Variants in NUP214 observed in about 807,000 individuals in gnomAD.
NUP214 encodes nuclear pore complex protein Nup214.
A neutral mutation model predicts 196.2 loss-of-function variants in NUP214; 79 were observed. The ratio of observed to expected loss-of-function variants is 0.40; its 90% CI spans 0.34 to 0.49. The LOEUF is 0.49. NUP214 is among the 20% of genes least tolerant of loss of function. The pLI is 0.58. For missense variants in NUP214, 2,468 were observed against 2,539.0 expected (o/e 0.97, Z 0.60); for synonymous variants, 1,020 against 990.5 (o/e 1.03, Z -0.56).
chr9:131,131,017 A>T (rs1234233155), intron 5 of NUP214, among the ~76,000 whole-genome samples, 181 bp downstream of exon 5: 1 of 152,154 alleles, frequency 6.6e-6, no homozygotes, highest in African/African-American at 2.4e-5. Flanking sequence ...AGAGGCACCC[A>T]CTATGTTGTG....
intron 30 of NUP214, among the ~76,000 whole-genome samples, chr9:131,208,055 T>C (rs1834132713): frequency 6.6e-6 from 1 of 152,168 alleles, no homozygotes; most frequent in South Asian, 2.1e-4. Context: ...GGCTATCATT[T>C]AAAAAGTAAA....
chr9:131,193,629 C>CTTTTTTTTTTTTTTTTT (rs71389402), intron 27 of NUP214, among the ~76,000 whole-genome samples: 545 of 28,232 alleles, frequency 0.019, 204 homozygotes, highest in Non-Finnish European at 0.024. Flanking sequence ...TCTTCCTTTT[C>CTTTTTTTTTTTTTTTTT]TTTTTTTTTT....
chr9:131,233,395 C>G, intron 35 of NUP214, 59 bp from the exon 36 acceptor site: 1 of 1,520,914 alleles, frequency 6.6e-7, no homozygotes, highest in Non-Finnish European at 8.9e-7. Flanking sequence ...AGCAGCAGAG[C>G]CTGTGACTGC....
chr9:131,193,629 C>CTGTTTTTT (rs1833677968), intron 27 of NUP214, among the ~76,000 whole-genome samples: 1 of 28,218 alleles, frequency 3.5e-5, no homozygotes, highest in African/African-American at 1.2e-4. Context: ...TCTTCCTTTT[C>CTGTTTTTT]TTTTTTTTTT....
intron 1 of NUP214, 111 bp from the exon 2 acceptor site, chr9:131,127,413 C>CTTGG: frequency 1.2e-6 from 1 of 819,438 alleles, no homozygotes. Context: ...TGAGACAGAC[C>CTTGG]TTGGTCTCAG....
chr9:131,134,351 G>A (rs1051252051), intron 7 of NUP214, among the ~76,000 whole-genome samples: 1 of 152,184 alleles, frequency 6.6e-6, no homozygotes, highest in Admixed American at 6.5e-5. Flanking sequence ...ACTGGTATGT[G>A]TTTGAGATTG....
intron 33 of NUP214, chr9:131,228,559 G>A: frequency 4.8e-6 from 2 of 416,224 alleles, no homozygotes; most frequent in East Asian, 4.2e-5. Flanking sequence ...GCTGTTCCCT[G>A]GTATGAGAAA....
chr9:131,180,279 C>T (rs1402804563), intron 24 of NUP214, among the ~76,000 whole-genome samples: 2 of 152,190 alleles, frequency 1.3e-5, no homozygotes, highest in African/African-American at 2.4e-5. Context: ...GCATTCCTTT[C>T]AATAATCATT....
chr9:131,218,748 A>G (rs1411649423), intron 31 of NUP214, among the ~76,000 whole-genome samples: 1 of 152,050 alleles, frequency 6.6e-6, no homozygotes, highest in Admixed American at 6.6e-5. Context: ...CCCTTGGGCA[A>G]CTTCCCACTG....
At chr9:131,227,171 C>T (rs540801994) in intron 32 of NUP214, among the ~76,000 whole-genome samples, 2 of 152,312 alleles carry the variant, frequency 1.3e-5, no homozygotes, top group African/African-American at 2.4e-5. Context: ...TTTGGGAACC[C>T]GCATCAGGAA....
chr9:131,199,053 C>A, intron 29 of NUP214, 38 bp downstream of exon 29: 3 of 1,538,856 alleles, frequency 1.9e-6, no homozygotes, highest in South Asian at 2.5e-5. Flanking sequence ...GTTTCCCTCT[C>A]TGCTATTTGA....
intron 30 of NUP214, among the ~76,000 whole-genome samples, chr9:131,210,452 AC>A (rs1489647893): frequency 1.3e-5 from 2 of 152,158 alleles, no homozygotes; most frequent in Non-Finnish European, 2.9e-5. Context: ...ACATAGTGAA[AC>A]CCCATCTCTA....
chr9:131,176,649 G>A (rs1833130301), intron 23 of NUP214, among the ~76,000 whole-genome samples: 1 of 151,924 alleles, frequency 6.6e-6, no homozygotes, highest in African/African-American at 2.4e-5. Flanking sequence ...TTTTAACATT[G>A]TAAAATTTAA....
chr9:131,207,976 T>C (rs574887770), intron 30 of NUP214, among the ~76,000 whole-genome samples: 1 of 152,242 alleles, frequency 6.6e-6, no homozygotes, highest in East Asian at 1.9e-4. Flanking sequence ...TCAAGTAGCA[T>C]TAAACTAATG....
Position 131,144,277 on chromosome 9 carries a change from C to T in NUP214, c.1295-3C>T, listed in dbSNP as rs376751660. The T allele has an allele frequency of 1.2e-6, 2 of 1,605,778 alleles. No homozygotes were observed. Among genetic ancestry groups the T allele is most frequent in the Admixed American group, 1.7e-5 (1 of 59,368 alleles). ...ATTTTCCTTCCTTTTTTTGTCACTG[C>T]AGGAAGTACTCCCACTACCCCAACC... On this transcript the variant is annotated splice_polypyrimidine_tract_variant and splice_region_variant and intron_variant, in intron 11 of 35. Transcript: ENST00000359428.
chr9:131,222,647 G>A (rs1166631871), intron 31 of NUP214, 131 bp from the exon 32 acceptor site: 16 of 1,047,656 alleles, frequency 1.5e-5, no homozygotes, highest in African/African-American at 6.5e-5. Flanking sequence ...CTGTCGCTCC[G>A]CTCCCTTGGC....
chr9:131,168,126 G>A (rs111308519), intron 21 of NUP214, among the ~76,000 whole-genome samples: 6,131 of 152,210 alleles, frequency 0.04, 160 homozygotes, highest in African/African-American at 0.077. Flanking sequence ...CTGGCCTTAC[G>A]TGATCTTCCT....
chr9:131,196,691 C>T (rs778925823), intron 28 of NUP214, among the ~76,000 whole-genome samples: 1 of 152,114 alleles, frequency 6.6e-6, no homozygotes. Flanking sequence ...ACCACCAGAC[C>T]GTACTGCCTC....
At chr9:131,159,161 G>T in intron 17 of NUP214, 1 of 536,458 alleles carries the variant, frequency 1.9e-6, no homozygotes, top group South Asian at 2.5e-5. Context: ...CAGTCCTCCT[G>T]CCTTGGCCTC....
Sources: gnomAD v4.1 joint callset for allele counts (sites outside exome capture counted in the v4.1 genomes callset) on GRCh38, gnomAD v4.1.1 for gene constraint, MANE v1.5 for transcripts, NCBI Gene and HGNC (gene_info 2026-07-23, HGNC 2026-07-21) for gene names.